The following RGS6 variants were observed in gnomAD, a reference collection of about 807,000 sequenced individuals.
The protein encoded by RGS6 is regulator of G-protein signaling 6.
Under a neutral mutation model 78.5 loss-of-function variants are expected in RGS6, and 30 were observed. That is an observed-to-expected ratio of 0.38 (90% CI 0.29 to 0.52). The LOEUF (loss-of-function observed/expected upper bound fraction) is 0.52, where lower values mean the gene tolerates loss of function less well. Ranked by LOEUF, RGS6 falls within the 20% of genes least tolerant of loss-of-function variation. The pLI is 0.85. For synonymous variants in RGS6, 206 were observed against 206.0 expected (o/e 1.00, Z 0.00); for missense variants, 495 against 609.7 (o/e 0.81, Z 1.98).
intron 16 of RGS6, among the ~76,000 whole-genome samples, chr14:72,538,435 T>A (rs1235160691): frequency 3.9e-5 from 6 of 152,212 alleles, no homozygotes; most frequent in Non-Finnish European, 8.8e-5. Flanking sequence ...AGGGGGTAGG[T>A]GAGCTGAGTC....
chr14:72,352,733 A>G (rs1296642750), intron 3 of RGS6, among the ~76,000 whole-genome samples: 1 of 152,182 alleles, frequency 6.6e-6, no homozygotes, highest in Non-Finnish European at 1.5e-5. Context: ...AACACAGTAC[A>G]TGTACCTACC....
chr14:72,415,097 G>T (rs919523358), intron 3 of RGS6, among the ~76,000 whole-genome samples: 5 of 152,256 alleles, frequency 3.3e-5, no homozygotes, highest in African/African-American at 7.2e-5. Flanking sequence ...GTCTGCAGAG[G>T]TTACTGCTGC....
At chr14:72,329,285 C>T (rs562641356) in intron 2 of RGS6, among the ~76,000 whole-genome samples, 30 of 152,370 alleles carry the variant, frequency 2.0e-4, no homozygotes, top group South Asian at 1.2e-3. Flanking sequence ...TGCTTCACGG[C>T]GCTTCTTATT....
chr14:72,106,534 C>T (rs187017546), intron 2 of RGS6, among the ~76,000 whole-genome samples: 51 of 152,302 alleles, frequency 3.3e-4, no homozygotes, highest in Admixed American at 3.2e-3. Context: ...AGAAGCCCCT[C>T]CATGTGTCCC....
At chr14:72,091,751 C>T (rs888415802) in intron 2 of RGS6, among the ~76,000 whole-genome samples, 3 of 152,156 alleles carry the variant, frequency 2.0e-5, no homozygotes, top group Non-Finnish European at 4.4e-5. Context: ...TCGTTTTCTG[C>T]AGGCTCCTGT....
chr14:72,036,117 C>T (rs900895032), intron 2 of RGS6, among the ~76,000 whole-genome samples: 1 of 151,946 alleles, frequency 6.6e-6, no homozygotes, highest in Admixed American at 6.6e-5. Flanking sequence ...TAAATGAAAT[C>T]CTACCGTATA....
chr14:72,321,830 A>G (rs1028076171), intron 2 of RGS6, among the ~76,000 whole-genome samples: 3 of 152,002 alleles, frequency 2.0e-5, no homozygotes, highest in Non-Finnish European at 4.4e-5. Context: ...ACATATATCA[A>G]TCTATCCCTG....
the RGS6 span, among the ~76,000 whole-genome samples, chr14:72,593,995 T>G: frequency 2.0e-5 from 3 of 151,780 alleles, no homozygotes; most frequent in East Asian, 5.8e-4. Context: ...TCACAATGGG[T>G]TGGTGGTGGC....
At chr14:72,170,136 TC>T (rs1359813518) in intron 2 of RGS6, among the ~76,000 whole-genome samples, 8 of 152,162 alleles carry the variant, frequency 5.3e-5, no homozygotes, top group African/African-American at 1.9e-4. Context: ...CAGTTAGTCT[TC>T]CCTGGATAAT....
chr14:72,167,873 G>A (rs1366645123), intron 2 of RGS6, among the ~76,000 whole-genome samples: 2 of 152,098 alleles, frequency 1.3e-5, no homozygotes, highest in African/African-American at 4.8e-5. Context: ...TGTACAGAGG[G>A]CATGTCAATC....
intron 2 of RGS6, among the ~76,000 whole-genome samples, chr14:72,297,927 GT>G (rs149641735): frequency 0.038 from 5,742 of 150,328 alleles, 328 homozygotes; most frequent in African/African-American, 0.13. Flanking sequence ...TATGTAGAAG[GT>G]TTTTTTTTGA....
intron 2 of RGS6, among the ~76,000 whole-genome samples, chr14:72,078,668 T>G (rs1383798659): frequency 6.6e-6 from 1 of 152,198 alleles, no homozygotes; most frequent in African/African-American, 2.4e-5. Context: ...TCCACCTGCC[T>G]TGGCCTCCCA....
At chr14:71,993,608 G>C (rs1221239620) in intron 2 of RGS6, among the ~76,000 whole-genome samples, 2 of 152,166 alleles carry the variant, frequency 1.3e-5, no homozygotes, top group African/African-American at 4.8e-5. Flanking sequence ...CAGATGGTAA[G>C]TAGTGGAGTT....
rs1285761242 is a variant in RGS6 at position 72,565,026 on chromosome 14, G to C, written c.*2559G>C. The C allele has an allele frequency of 6.6e-6, 1 of 152,272 alleles. No homozygotes were observed. The highest frequency in any genetic ancestry group is 1.9e-4 in the East Asian group (1 of 5,194). 9.4% of individuals were successfully genotyped at this position (152,272 alleles called of 1,614,324 possible). ...TACCACGCAGAACTTGGTCATGCAA[G>C]TACATTTGGAAAATCTGGTCTTGGC... On this transcript the variant is annotated 3_prime_UTR_variant, in exon 18 of 18. Transcript: ENST00000553525.
Position 72,361,083 on chromosome 14 carries a change from C to CTT in RGS6, c.184+8907_184+8908dup, listed in dbSNP as rs56251149. On this transcript the variant is annotated intron_variant, in intron 3 of 17. Transcript: ENST00000553525. Reference sequence around the variant, plus strand: ...ACGGAACTGTGATTCAATCAAACCTCTTTTTTTTTTTTTTTTTTTCATAAA... The same window carrying CTT: ...ACGGAACTGTGATTCAATCAAACCTCTTTTTTTTTTTTTTTTTTTTTCATAAA... Among the ~76,000 whole-genome samples the CTT allele has an allele frequency of 2.7e-3, 376 of 138,374 alleles. 2 individuals carry two copies. Among genetic ancestry groups the CTT allele is most frequent in the African/African-American group, 9.2e-3 (354 of 38,546 alleles). 90.8% of individuals were successfully genotyped at this position (138,374 alleles called of 152,430 possible).
At chr14:72,425,147 CT>C (rs938587873) in intron 3 of RGS6, among the ~76,000 whole-genome samples, 16 of 151,464 alleles carry the variant, frequency 1.1e-4, no homozygotes, top group African/African-American at 1.7e-4. Flanking sequence ...AGGGGAAAAT[CT>C]TTTTTTTTGA....
At chr14:71,931,293 CAT>C (rs1360338894), upstream of RGS6, among the ~76,000 whole-genome samples, 3 of 151,978 alleles carry the variant, frequency 2.0e-5, no homozygotes, top group Non-Finnish European at 4.4e-5. Flanking sequence ...CCATAACACA[CAT>C]GTCTGCTTGT....
At chr14:72,101,473 C>G (rs1250066891) in intron 2 of RGS6, among the ~76,000 whole-genome samples, 1 of 152,220 alleles carries the variant, frequency 6.6e-6, no homozygotes, top group Non-Finnish European at 1.5e-5. Flanking sequence ...ATTCTGAGCA[C>G]TTAGAGAATA....
chr14:72,502,800 T>A (rs2153429821), intron 13 of RGS6, among the ~76,000 whole-genome samples: 2 of 152,198 alleles, frequency 1.3e-5, no homozygotes, highest in Middle Eastern at 6.8e-3. Context: ...AAGAAGTAAC[T>A]GGACCACTCT....
Sources: gnomAD v4.1 joint callset for allele counts (sites outside exome capture counted in the v4.1 genomes callset) on GRCh38, gnomAD v4.1.1 for gene constraint, MANE v1.5 for transcripts, NCBI Gene and HGNC (gene_info 2026-07-23, HGNC 2026-07-21) for gene names.